The following SYNE2 variants were observed in gnomAD, a reference collection of about 807,000 sequenced individuals.
The protein encoded by SYNE2 is spectrin repeat containing nuclear envelope protein 2.
In SYNE2, 431 loss-of-function variants were observed where a neutral mutation model predicts 856.3. The ratio of observed to expected loss-of-function variants is 0.50; its 90% CI spans 0.47 to 0.55. The LOEUF is 0.55. Among genes scored for constraint, SYNE2 ranks in the 20% least tolerant of loss-of-function variants. The pLI, the probability that SYNE2 is intolerant of heterozygous loss-of-function variation, is 0.00. For synonymous variants in SYNE2, 2,923 were observed against 2,872.3 expected, an observed-to-expected ratio of 1.02 and a Z score of -0.56; for missense variants, 8,129 against 8,023.2, an observed-to-expected ratio of 1.01 and a Z score of -0.50.
intron 77 of SYNE2, among the ~76,000 whole-genome samples, chr14:64,133,055 AAT>A (rs560921842): frequency 0.026 from 3,926 of 151,974 alleles, 192 homozygotes; most frequent in African/African-American, 0.09. Flanking sequence ...ACAAAAAAAA[AAT>A]TAGCTGGGCG....
intron 17 of SYNE2, 82 bp downstream of exon 17, chr14:63,982,876 A>G (rs1174773757): frequency 4.9e-6 from 7 of 1,428,760 alleles, no homozygotes; most frequent in Non-Finnish European, 5.9e-6. Context: ...TTCATAACCA[A>G]TTGATTTCTG....
chr14:64,211,936 T>C (rs754317609), intron 103 of SYNE2, 25 bp from the exon 104 acceptor site: 1 of 1,613,950 alleles, frequency 6.2e-7, no homozygotes, highest in Non-Finnish European at 8.5e-7. Context: ...TCAGTAGAAA[T>C]GTGATTTCCT....
intron 1 of SYNE2, among the ~76,000 whole-genome samples, chr14:63,862,906 T>G (rs1019837461): frequency 2.0e-5 from 3 of 152,070 alleles, no homozygotes; most frequent in African/African-American, 7.2e-5. Flanking sequence ...CAAGTGATTC[T>G]ACTGCCTCAG....
intron 30 of SYNE2, 39 bp downstream of exon 30, chr14:64,003,369 C>T: frequency 2.5e-6 from 4 of 1,612,884 alleles, no homozygotes; most frequent in Non-Finnish European, 3.4e-6. Flanking sequence ...AGGTGACTGA[C>T]ATCTTTCTGT....
intron 66 of SYNE2, among the ~76,000 whole-genome samples, chr14:64,114,471 C>T (rs1417672395): frequency 6.6e-6 from 1 of 152,138 alleles, no homozygotes; most frequent in African/African-American, 2.4e-5. Flanking sequence ...CTGCTGTAGC[C>T]TGTTATGTTG....
At chr14:63,914,475 T>TTAAGGGA (rs1270949894) in intron 2 of SYNE2, among the ~76,000 whole-genome samples, 1 of 152,182 alleles carries the variant, frequency 6.6e-6, no homozygotes, top group Admixed American at 6.5e-5. Context: ...GGGTTGTGCC[T>TTAAGGGA]TAAGGGATTA....
intron 21 of SYNE2, among the ~76,000 whole-genome samples, chr14:63,992,929 G>C (rs982504884): frequency 6.6e-6 from 1 of 152,184 alleles, no homozygotes; most frequent in Non-Finnish European, 1.5e-5. Flanking sequence ...ACCCTGCTTA[G>C]CTTCTCCCGG....
intron 51 of SYNE2, among the ~76,000 whole-genome samples, chr14:64,069,713 T>C (rs764111105): frequency 9.2e-5 from 14 of 152,202 alleles, no homozygotes; most frequent in Non-Finnish European, 1.5e-4. Context: ...GGAGAAGTCC[T>C]GGCATGCCCC....
chr14:64,130,883 C>CAAAAAAAA (rs34083068), intron 76 of SYNE2, among the ~76,000 whole-genome samples: 3 of 99,560 alleles, frequency 3.0e-5, no homozygotes, highest in Non-Finnish European at 4.4e-5. Context: ...GACTCTATCT[C>CAAAAAAAA]AAAAAAAAAA....
At chr14:64,209,725 G>A in intron 102 of SYNE2, 147 bp downstream of exon 102, 1 of 1,270,842 alleles carries the variant, frequency 7.9e-7, no homozygotes, top group Non-Finnish European at 1.1e-6. Flanking sequence ...CAGCTGCTGA[G>A]ACAGCTTTGC....
chr14:63,940,162 T>C (rs1425461406), intron 2 of SYNE2, among the ~76,000 whole-genome samples: 3 of 150,854 alleles, frequency 2.0e-5, no homozygotes, highest in Non-Finnish European at 4.4e-5. Flanking sequence ...ACTGCAGCCT[T>C]GACTTCCTGG....
chr14:64,189,997 C>T, intron 98 of SYNE2, 74 bp from the exon 99 acceptor site: 6 of 1,393,800 alleles, frequency 4.3e-6, no homozygotes, highest in Middle Eastern at 3.8e-4. Context: ...CAAGAGGTAA[C>T]TCTATGTCTG....
chr14:63,781,685 T>G, intron 1 of SYNE2, among the ~76,000 whole-genome samples: 1 of 145,656 alleles, frequency 6.9e-6, no homozygotes. Flanking sequence ...TATATAAAGT[T>G]ATATTTATAT....
chr14:63,844,880 A>G (rs1890180094), intron 1 of SYNE2, among the ~76,000 whole-genome samples: 1 of 152,170 alleles, frequency 6.6e-6, no homozygotes, highest in Non-Finnish European at 1.5e-5. Context: ...CCCTGTCTCT[A>G]TTTTAAATAA....
Position 64,080,044 on chromosome 14 carries a change from CGT to C in SYNE2, c.11164-392_11164-391del, listed in dbSNP as rs112076744. Among the ~76,000 whole-genome samples the C allele has an allele frequency of 4.9e-3, 739 of 149,964 alleles. 5 individuals carry two copies. Among genetic ancestry groups the C allele is most frequent in the South Asian group, 0.032 (153 of 4,718 alleles). The stretch of plus-strand genomic sequence containing the variant: ...GAAATTATTTTGTAGATTAAGAGAG[CGT>C]GTGTGTGTGTGTGTGTGTGCGCGTG... On this transcript the variant is annotated intron_variant, in intron 55 of 115. Coordinates refer to ENST00000555002, the MANE Select transcript of SYNE2 (RefSeq NM_182914.3).
intron 97 of SYNE2, 100 bp downstream of exon 97, chr14:64,186,679 G>A (rs1164821837): frequency 1.9e-6 from 3 of 1,550,540 alleles, no homozygotes; most frequent in Non-Finnish European, 2.7e-6. Context: ...TTGAACCGGA[G>A]GCCCTTTTCA....
intron 33 of SYNE2, 33 bp from the exon 34 acceptor site, chr14:64,017,562 A>G (rs1311404764): frequency 1.3e-6 from 2 of 1,554,858 alleles, no homozygotes; most frequent in African/African-American, 1.4e-5. Flanking sequence ...TTTCACTGCT[A>G]CATATGTTGT....
In SYNE2 at chr14:63,991,037, A is replaced by G. The variant is rs1406529066; in HGVS notation, c.2568A>G (p.Glu856=). 6.2e-7 allele frequency: 1 copy of G among 1,614,058 alleles called. No homozygotes were observed. The highest frequency in any genetic ancestry group is 1.3e-5 in the African/African-American group (1 of 74,946). ...IRLKMEESQK[E]LESYMMRAQQ... Reference sequence around the variant, plus strand: ...TGAAGATGGAAGAATCCCAGAAGGAACTTGAATCATATATGATGAGGGCTC... The same window carrying G: ...TGAAGATGGAAGAATCCCAGAAGGAGCTTGAATCATATATGATGAGGGCTC... Residue 856 remains glutamate, a synonymous_variant, in exon 21 of 116, where the codon GAA becomes GAG. Transcript: ENST00000555002.
At chr14:64,000,485 G>A in intron 27 of SYNE2, 77 bp from the exon 28 acceptor site, 4 of 1,335,562 alleles carry the variant, frequency 3.0e-6, no homozygotes, top group Non-Finnish European at 3.2e-6. Context: ...GTTGGTGAAT[G>A]TCTCATGTTT....
Sources: gnomAD v4.1 joint callset for allele counts (sites outside exome capture counted in the v4.1 genomes callset) on GRCh38, gnomAD v4.1.1 for gene constraint, MANE v1.5 for transcripts, NCBI Gene and HGNC (gene_info 2026-07-23, HGNC 2026-07-21) for gene names.